Variants in AOPEP observed in about 807,000 individuals in gnomAD.
The protein encoded by AOPEP is aminopeptidase O.
In AOPEP, 77 loss-of-function variants were observed where a neutral mutation model predicts 98.1. That is an observed-to-expected ratio of 0.78 (90% CI 0.65 to 0.95). The LOEUF (loss-of-function observed/expected upper bound fraction) is 0.95. AOPEP is among the 40% of genes least tolerant of loss of function. The probability of loss-of-function intolerance (pLI) is 0.00; values close to 1 mark genes in which losing one functional copy is unlikely to be tolerated. For missense variants in AOPEP, 1,024 were observed against 1,024.7 expected (o/e 1.00, Z 0.01); for synonymous variants, 346 against 365.3 (o/e 0.95, Z 0.60).
chr9:95,025,855 A>G (rs569118916), intron 13 of AOPEP, among the ~76,000 whole-genome samples: 6 of 152,232 alleles, frequency 3.9e-5, no homozygotes, highest in South Asian at 2.1e-4. Context: ...CATGATCATC[A>G]CTGGACTCTG....
At chr9:94,775,669 T>C (rs1453739930) in intron 3 of AOPEP, among the ~76,000 whole-genome samples, 1 of 152,018 alleles carries the variant, frequency 6.6e-6, no homozygotes, top group Non-Finnish European at 1.5e-5. Flanking sequence ...CCAGCCTTAC[T>C]TGATTCTTAA....
In AOPEP at chr9:94,911,649, A is replaced by T. The variant is rs570751244; in HGVS notation, c.1365-12337A>T. 4.6e-5 allele frequency among the ~76,000 whole-genome samples: 7 copies of T among 152,300 alleles called. No individual in the cohort carries two copies. In the East Asian group the frequency reaches 9.6e-4, roughly 21 times the overall value. ...GACTCTATGGCAAAAGAAATTTTTT[A>T]AAAAAAGCTTTTCTCAAGAGATTTT... On this transcript the variant is annotated intron_variant, in intron 5 of 16. Transcript: ENST00000375315.
chr9:94,939,420 T>C (rs983346286), intron 7 of AOPEP, among the ~76,000 whole-genome samples: 18 of 152,290 alleles, frequency 1.2e-4, no homozygotes, highest in Non-Finnish European at 2.4e-4. Context: ...CAAGGTCTGG[T>C]TGATCCTGCC....
chr9:95,007,269 C>G (rs1350124025), intron 13 of AOPEP, among the ~76,000 whole-genome samples: 1 of 151,972 alleles, frequency 6.6e-6, no homozygotes, highest in Non-Finnish European at 1.5e-5. Context: ...GAAGGGGAAG[C>G]CATTATCTTT....
intron 4 of AOPEP, among the ~76,000 whole-genome samples, chr9:94,800,087 T>C (rs1847883301): frequency 6.6e-6 from 1 of 152,178 alleles, no homozygotes; most frequent in African/African-American, 2.4e-5. Flanking sequence ...TCTGATCTGT[T>C]TCCTTAAAAG....
chr9:94,827,329 A>T (rs955427435), intron 5 of AOPEP, among the ~76,000 whole-genome samples: 1 of 152,216 alleles, frequency 6.6e-6, no homozygotes, highest in Non-Finnish European at 1.5e-5. Context: ...GACTTTACAG[A>T]TGAGGAAAGT....
At chr9:94,934,229 G>A (rs896581159) in intron 7 of AOPEP, among the ~76,000 whole-genome samples, 12 of 151,460 alleles carry the variant, frequency 7.9e-5, no homozygotes, top group African/African-American at 2.7e-4. Flanking sequence ...TGGCTCTGTC[G>A]TCACCCACGG....
intron 5 of AOPEP, among the ~76,000 whole-genome samples, chr9:94,810,431 C>T (rs1180916068): frequency 1.3e-5 from 2 of 151,766 alleles, no homozygotes; most frequent in Non-Finnish European, 2.9e-5. Context: ...TCTCCTGCCT[C>T]AGCCTCCCGA....
At chr9:94,913,170 C>T (rs1407089240) in intron 5 of AOPEP, among the ~76,000 whole-genome samples, 1 of 152,174 alleles carries the variant, frequency 6.6e-6, no homozygotes, top group Non-Finnish European at 1.5e-5. Context: ...TCAAGGGAAC[C>T]ATCCAGAGAA....
At chr9:94,983,900 A>C (rs1167101175) in intron 11 of AOPEP, among the ~76,000 whole-genome samples, 1 of 136,036 alleles carries the variant, frequency 7.4e-6, no homozygotes, top group African/African-American at 2.7e-5. Flanking sequence ...CTCATCCTGT[A>C]GTACCTGTTG....
chr9:95,059,469 G>A (rs945529181), intron 13 of AOPEP, among the ~76,000 whole-genome samples: 3 of 151,320 alleles, frequency 2.0e-5, no homozygotes, highest in Non-Finnish European at 4.4e-5. Flanking sequence ...TGTTTGCAGT[G>A]CTTGCTGTCT....
At chr9:95,082,885 G>A in intron 16 of AOPEP, 166 bp downstream of exon 16, 3 of 721,064 alleles carry the variant, frequency 4.2e-6, no homozygotes, top group Non-Finnish European at 6.6e-6. Flanking sequence ...GTGCTGGGCT[G>A]GTATGGGAGC....
At chr9:95,089,180 C>T (rs1285218306), downstream of AOPEP, among the ~76,000 whole-genome samples, 1 of 152,184 alleles carries the variant, frequency 6.6e-6, no homozygotes, top group Non-Finnish European at 1.5e-5. Context: ...CAGGGCCTGG[C>T]AGAGAGGCCT....
intron 7 of AOPEP, among the ~76,000 whole-genome samples, chr9:94,947,431 C>T (rs1564430455): frequency 6.6e-6 from 1 of 152,132 alleles, no homozygotes; most frequent in Non-Finnish European, 1.5e-5. Flanking sequence ...GCGAGCACTA[C>T]CACATCTCGC....
At chr9:95,018,069 A>G (rs546549093) in intron 13 of AOPEP, among the ~76,000 whole-genome samples, 22 of 152,342 alleles carry the variant, frequency 1.4e-4, no homozygotes, top group African/African-American at 5.3e-4. Flanking sequence ...GTTTTTGGCT[A>G]TTATGAATAA....
chr9:94,793,677 G>GA (rs769861190), intron 4 of AOPEP, among the ~76,000 whole-genome samples: 195 of 127,298 alleles, frequency 1.5e-3, no homozygotes, highest in African/African-American at 2.8e-3. Flanking sequence ...CTCTGTCTTG[G>GA]AAAAAAAAAA....
chr9:94,751,592 A>G (rs779933111), intron 1 of AOPEP, among the ~76,000 whole-genome samples: 6 of 152,170 alleles, frequency 3.9e-5, no homozygotes, highest in Admixed American at 6.5e-5. Context: ...GATATAATCC[A>G]GCTTTCTATG....
rs138111726 is a variant in AOPEP at position 94,743,167 on chromosome 9, AAAGAAGAAGAAGAAGAAG to A, written c.-136+16433_-135-16448del. On this transcript the variant is annotated intron_variant, in intron 1 of 16. Coordinates refer to ENST00000375315, the MANE Select transcript of AOPEP (RefSeq NM_001193329.3). Reference sequence around the variant, plus strand: ...AAACTTGCTTTCACTTTGCAATATAAAAGAAGAAGAAGAAGAAGAAGAAGAAGAAGAAGAGGAAGAAGA... The same window carrying A: ...AAACTTGCTTTCACTTTGCAATATAAAAGAAGAAGAAGAAGAGGAAGAAGA... Among the ~76,000 whole-genome samples, 303 of 142,842 alleles carry A rather than the reference AAAGAAGAAGAAGAAGAAG, an allele frequency of 2.1e-3. 4 individuals carry two copies. The highest frequency in any genetic ancestry group is 7.6e-3 in the African/African-American group (279 of 36,732). The allele number at this position is 142,842 out of a possible 152,430, so 93.7% of individuals were successfully genotyped here.
At chr9:94,953,352 T>G (rs1459397433) in intron 7 of AOPEP, among the ~76,000 whole-genome samples, 2 of 152,234 alleles carry the variant, frequency 1.3e-5, no homozygotes, top group Non-Finnish European at 2.9e-5. Flanking sequence ...TGCAGTTAGC[T>G]CTGATGGTTT....
Sources: gnomAD v4.1 joint callset for allele counts (sites outside exome capture counted in the v4.1 genomes callset) on GRCh38, gnomAD v4.1.1 for gene constraint, MANE v1.5 for transcripts, NCBI Gene and HGNC (gene_info 2026-07-23, HGNC 2026-07-21) for gene names.